The following COPB1 variants were observed in gnomAD, a reference collection of about 807,000 sequenced individuals.
The protein encoded by COPB1 is coatomer subunit beta.
A neutral mutation model predicts 108.7 loss-of-function variants in COPB1; 21 were observed. The observed-to-expected ratio is 0.19, with a 90% CI of 0.14 to 0.28. The LOEUF (loss-of-function observed/expected upper bound fraction) is 0.28. Among genes scored for constraint, COPB1 ranks in the 10% least tolerant of loss-of-function variants. The pLI, the probability that COPB1 is intolerant of heterozygous loss-of-function variation, is 1.00. For synonymous variants in COPB1, 378 were observed against 386.8 expected (o/e 0.98, Z 0.27); for missense variants, 919 against 1,141.3 (o/e 0.81, Z 2.81).
chr11:14,464,291 T>C (rs1461808786), intron 18 of COPB1, among the ~76,000 whole-genome samples: 2 of 152,258 alleles, frequency 1.3e-5, no homozygotes, highest in Non-Finnish European at 2.9e-5. Context: ...AATCCCTTTA[T>C]GGATTCCTAC....
chr11:14,486,387 T>A lies in COPB1; in HGVS notation c.817A>T (p.Ser273Cys). The change falls in exon 7 of 22, where the codon AGT (serine) becomes TGT (cysteine). Residue 273 changes from serine (S) to cysteine (C), a missense_variant. Physicochemically the swap from Ser to Cys is moderately radical, Grantham distance 112. This residue lies in a region of COPB1 where 705 missense variants were observed against 817.8 expected (regional missense o/e 0.86). Coordinates refer to ENST00000439561, the MANE Select transcript of COPB1 (RefSeq NM_001144061.2). ...EAAGTLVTLS[S>C]APTAIKAAAQ... ...AGTACCTTGATTGCAGTTGGTGCAC[T>A]AGAGAGTGTCACTAATGTCCCAGCA... 6.2e-7 allele frequency: 1 copy of A among 1,614,162 alleles called. No homozygotes were observed. The highest frequency in any genetic ancestry group is 1.1e-5 in the South Asian group (1 of 91,090).
In COPB1 at chr11:14,460,317, G is replaced by C. The variant is rs1048501825; in HGVS notation, c.2557-20C>G. 1.4e-6 allele frequency: 2 copies of C among 1,451,648 alleles called. No individual in the cohort carries two copies. Among genetic ancestry groups the C allele is most frequent in the Non-Finnish European group, 1.9e-6 (2 of 1,047,188 alleles). The allele number at this position is 1,451,648 out of a possible 1,614,324, so 89.9% of individuals were successfully genotyped here. ...TGTCACCTGTAGAGAGGAAAAAAAA[G>C]TCAAGGAGATCATAAATCTTACTAT... On this transcript the variant is annotated intron_variant, in intron 19 of 21. Transcript: ENST00000439561.
Position 14,474,596 on chromosome 11 carries a change from G to A in COPB1, c.1636C>T (p.Leu546Phe), listed in dbSNP as rs202139831. The A allele has an allele frequency of 7.2e-5, 116 of 1,613,770 alleles. No homozygotes were observed. The Middle Eastern group carries it at 1.3e-3, about 18-fold the overall frequency. Residue 546 changes from leucine (L) to phenylalanine (F), a missense_variant, in exon 14 of 22, where the codon CTT (leucine) becomes TTT (phenylalanine). Leu to Phe is a conservative substitution (Grantham distance 22). Coordinates refer to ENST00000439561, the MANE Select transcript of COPB1 (RefSeq NM_001144061.2). ...GCAACAAAGAAATCTCCATCCAGAA[G>A]GAATCCTCTCAAGGGAGGTCTGCAA... is the stretch of plus-strand genomic sequence containing the variant. ...EEDRPPLRGF[L>F]LDGDFFVAAS...
At chr11:14,487,268 T>C (rs372770346) in intron 6 of COPB1, among the ~76,000 whole-genome samples, 1 of 152,222 alleles carries the variant, frequency 6.6e-6, no homozygotes, top group African/African-American at 2.4e-5. Context: ...TACATGGACA[T>C]GACTTAAAAG....
intron 12 of COPB1, 95 bp from the exon 13 acceptor site, chr11:14,476,040 C>A: frequency 1.8e-6 from 2 of 1,130,976 alleles, no homozygotes; most frequent in South Asian, 1.7e-5. Context: ...AAAGGCATTA[C>A]CCTAATGGGA....
At chr11:14,494,749 G>A (rs1012013639) in intron 2 of COPB1, 4 of 229,492 alleles carry the variant, frequency 1.7e-5, no homozygotes, top group East Asian at 9.1e-5. Flanking sequence ...CCAAGTAAAC[G>A]TGTTTCAAAA....
At chr11:14,489,851 T>C (rs573869769) in intron 5 of COPB1, among the ~76,000 whole-genome samples, 2 of 152,266 alleles carry the variant, frequency 1.3e-5, no homozygotes, top group Non-Finnish European at 2.9e-5. Flanking sequence ...CACTTAAAAA[T>C]GGTTAAGAGG....
chr11:14,469,091 T>A (rs1850348879), intron 15 of COPB1, among the ~76,000 whole-genome samples: 1 of 152,120 alleles, frequency 6.6e-6, no homozygotes, highest in Admixed American at 6.6e-5. Context: ...AACTCTTAGA[T>A]TCAAACGATC....
rs1565010534 is a variant in COPB1, at chr11:14,461,271, A to G, written c.2471T>C (p.Ile824Thr). 1 of 1,614,206 alleles carries G rather than the reference A, an allele frequency of 6.2e-7. No individual in the cohort carries two copies. ...RNCVVLSDIH[I>T]DIMDYIQPAT... ...AGGCTGGATATAGTCCATGATGTCG[A>G]TGTGAATATCACTGAGAACCACACA... Residue 824 changes from isoleucine (I) to threonine (T), a missense_variant, in exon 19 of 22, where the codon ATC becomes ACC. Coordinates refer to ENST00000439561, the MANE Select transcript of COPB1 (RefSeq NM_001144061.2).
chr11:14,471,930 A>T (rs1286049757), intron 14 of COPB1, among the ~76,000 whole-genome samples: 6 of 151,816 alleles, frequency 4.0e-5, no homozygotes, highest in East Asian at 1.9e-4. Flanking sequence ...CTAAAAAAAA[A>T]TTTTTTTTTA....
At chr11:14,481,909 C>T (rs1003212869) in intron 8 of COPB1, among the ~76,000 whole-genome samples, 2 of 152,122 alleles carry the variant, frequency 1.3e-5, no homozygotes, top group African/African-American at 4.8e-5. Flanking sequence ...CTGTCTCAGC[C>T]TCCTGAGTAG....
At chr11:14,484,591 G>A (rs1589964336) in intron 7 of COPB1, among the ~76,000 whole-genome samples, 17 of 152,236 alleles carry the variant, frequency 1.1e-4, no homozygotes, top group Admixed American at 9.8e-4. Context: ...GGTGGCATGC[G>A]CCTGTAGTCC....
At chr11:14,470,174 T>G (rs1280631230) in intron 14 of COPB1, among the ~76,000 whole-genome samples, 1 of 152,242 alleles carries the variant, frequency 6.6e-6, no homozygotes, top group African/African-American at 2.4e-5. Flanking sequence ...CTTCATGCAT[T>G]TTATCCCTCT....
chr11:14,478,167 T>A (rs1850571325), intron 11 of COPB1, among the ~76,000 whole-genome samples: 1 of 152,140 alleles, frequency 6.6e-6, no homozygotes, highest in Non-Finnish European at 1.5e-5. Flanking sequence ...AGGAACATTC[T>A]AAAACTGGTA....
At chr11:14,480,077 TAC>T (rs1329104269) in intron 10 of COPB1, among the ~76,000 whole-genome samples, 1 of 152,216 alleles carries the variant, frequency 6.6e-6, no homozygotes, top group Admixed American at 6.5e-5. Flanking sequence ...GTGCTCGAAT[TAC>T]AGACATGAAG....
At position 14,475,939 on chromosome 11, in the gene COPB1, T is replaced by G. The variant is rs1375723721; in HGVS notation, c.1462A>C (p.Ile488Leu). ...EIRRSLGEIP[I>L]VESEIKKEAG... Reference sequence around the variant, plus strand: ...TCTTTCTTTATTTCTGACTCTACAATTGGGATCTAAAAGTCAATTGGAAAC... The same window carrying G: ...TCTTTCTTTATTTCTGACTCTACAAGTGGGATCTAAAAGTCAATTGGAAAC... The change falls in exon 13 of 22, where the codon ATT becomes CTT. Residue 488 changes from isoleucine (I) to leucine (L), a missense_variant. Transcript: ENST00000439561. 3 of 1,598,684 alleles carry G rather than the reference T, an allele frequency of 1.9e-6. No homozygotes were observed. Among genetic ancestry groups the G allele is most frequent in the Admixed American group, 1.8e-5 (1 of 56,040 alleles).
chr11:14,463,360 T>C (rs928850255), intron 18 of COPB1, among the ~76,000 whole-genome samples: 1 of 152,206 alleles, frequency 6.6e-6, no homozygotes, highest in Non-Finnish European at 1.5e-5. Flanking sequence ...CTCTGTTGTC[T>C]AGGCTGGAGC....
At chr11:14,471,094 G>A (rs2134103002) in intron 14 of COPB1, among the ~76,000 whole-genome samples, 1 of 152,192 alleles carries the variant, frequency 6.6e-6, no homozygotes, top group South Asian at 2.1e-4. Flanking sequence ...TTTCTAAAGT[G>A]TACAAAAAAA....
At chr11:14,497,861 TAAAA>T (rs999613023) in intron 2 of COPB1, among the ~76,000 whole-genome samples, 1 of 152,058 alleles carries the variant, frequency 6.6e-6, no homozygotes, top group South Asian at 2.1e-4. Context: ...TATTCAGCCA[TAAAA>T]AAAGAATGAG....
Sources: allele counts gnomAD v4.1 joint callset (sites outside exome capture counted in the v4.1 genomes callset), GRCh38; gene constraint gnomAD v4.1.1; regional missense constraint gnomAD v4.1.1; transcripts MANE v1.5; gene names NCBI Gene and HGNC (gene_info 2026-07-23, HGNC 2026-07-21).